Variants in ATP2C2 observed in about 807,000 individuals in gnomAD.
ATP2C2 encodes the protein ATPase secretory pathway Ca2+ transporting 2, also known as calcium-transporting ATPase type 2C member 2.
A neutral mutation model predicts 110.8 loss-of-function variants in ATP2C2; 171 were observed. That is an observed-to-expected ratio of 1.54 (90% CI 1.36 to 1.75). ATP2C2 has a LOEUF of 1.75. Ranked by LOEUF, ATP2C2 falls within the 40% of genes most tolerant of loss-of-function variation. The pLI is 0.00. For synonymous variants in ATP2C2, 804 were observed against 508.4 expected (o/e 1.58, Z -7.82); for missense variants, 1,963 against 1,235.0 (o/e 1.59, Z -8.84).
At chr16:84,408,237 G>A (rs1250710763) in intron 3 of ATP2C2, among the ~76,000 whole-genome samples, 168 bp from the exon 4 acceptor site, 1 of 152,194 alleles carries the variant, frequency 6.6e-6, no homozygotes, top group Non-Finnish European at 1.5e-5. Flanking sequence ...CCAGGCAGAG[G>A]AGGACCACTG....
chr16:84,381,174 G>T (rs1405437112), intron 1 of ATP2C2, among the ~76,000 whole-genome samples: 2 of 152,318 alleles, frequency 1.3e-5, no homozygotes, highest in South Asian at 4.1e-4. Context: ...TACGTTTTGC[G>T]TGCAGGGGTG....
chr16:84,448,469 G>C lies in ATP2C2; in HGVS notation c.1504-64G>C. 2.0e-6 allele frequency: 3 copies of C among 1,533,166 alleles called. No homozygotes were observed. The South Asian group carries it at 3.8e-5, about 19-fold the overall frequency. The allele number at this position is 1,533,166 out of a possible 1,614,324, so 95.0% of individuals were successfully genotyped here. ...TCTTTGTAACCTTGTGCAGAGTGGGGTGATGGTCAGTATGAACCAAGGCTT... is the reference window on the plus strand; with the variant it reads ...TCTTTGTAACCTTGTGCAGAGTGGGCTGATGGTCAGTATGAACCAAGGCTT... On this transcript the variant is annotated intron_variant, in intron 16 of 26. Transcript: ENST00000262429.
intron 1 of ATP2C2, among the ~76,000 whole-genome samples, chr16:84,388,853 C>A (rs1298624332): frequency 1.3e-5 from 2 of 152,122 alleles, no homozygotes; most frequent in African/African-American, 4.8e-5. Flanking sequence ...CTCACTGCTA[C>A]CTCCGCCTCC....
intron 1 of ATP2C2, among the ~76,000 whole-genome samples, chr16:84,388,579 G>GT (rs1597742758): frequency 6.6e-6 from 1 of 152,170 alleles, no homozygotes; most frequent in Non-Finnish European, 1.5e-5. Context: ...GGATAGAGAA[G>GT]CCTTGGAAAG....
intron 9 of ATP2C2, 87 bp from the exon 10 acceptor site, chr16:84,423,101 G>A: frequency 8.5e-7 from 1 of 1,177,220 alleles, no homozygotes; most frequent in Non-Finnish European, 1.3e-6. Context: ...CACTGAAGCT[G>A]TAGGATGGCA....
At chr16:84,406,823 A>T (rs1905813848) in intron 3 of ATP2C2, among the ~76,000 whole-genome samples, 2 of 151,656 alleles carry the variant, frequency 1.3e-5, no homozygotes. Context: ...CACCCCTTCC[A>T]CTAGGACCCG....
chr16:84,425,912 G>A lies in ATP2C2; in HGVS notation c.986+111G>A, dbSNP rs141997140. ...CTGCAGAATAGGAAGGGTTGGGAAG[G>A]TGCAGCCCCGTCACCCAAACTCCAG... On this transcript the variant is annotated intron_variant, in intron 11 of 26. Coordinates refer to ENST00000262429, the MANE Select transcript of ATP2C2 (RefSeq NM_014861.4). The A allele has an allele frequency of 4.9e-4, 641 of 1,308,176 alleles. 7 individuals carry two copies. The South Asian group carries it at 7.2e-3, about 15-fold the overall frequency. 81.0% of individuals were successfully genotyped at this position (1,308,176 alleles called of 1,614,324 possible).
At chr16:84,460,222 A>G (rs1445716495) in intron 23 of ATP2C2, 4 of 226,734 alleles carry the variant, frequency 1.8e-5, no homozygotes, top group Non-Finnish European at 3.6e-5. Context: ...CACTCCCACC[A>G]TACCGCCTGC....
At chr16:84,375,916 T>C (rs1393794012) in intron 1 of ATP2C2, among the ~76,000 whole-genome samples, 1 of 151,772 alleles carries the variant, frequency 6.6e-6, no homozygotes, top group Non-Finnish European at 1.5e-5. Context: ...AGAGAAAGGA[T>C]TGTGGGTTTT....
At chr16:84,378,232 G>A (rs754534668) in intron 1 of ATP2C2, among the ~76,000 whole-genome samples, 1 of 152,164 alleles carries the variant, frequency 6.6e-6, no homozygotes, top group African/African-American at 2.4e-5. Context: ...CAGCTGGACC[G>A]AATCTGGGGG....
rs370462334 is a variant in ATP2C2, at chr16:84,454,975, C to G, written c.2138C>G (p.Ser713Ter). ...ANMILVDDDF[S>*]AIMNAVEEGK... ...ATGATCCTGGTGGATGATGACTTCT[C>G]AGCCATCATGTAAGCTGCCCTTCTG... The change falls in exon 21 of 27, where the codon TCA (serine) becomes TGA (stop). Residue 713 changes from serine to a stop codon, truncating the protein, a stop_gained. Coordinates refer to ENST00000262429, the MANE Select transcript of ATP2C2 (RefSeq NM_014861.4). LOFTEE classifies it high-confidence loss of function. 14 of 1,613,340 alleles carry G rather than the reference C, an allele frequency of 8.7e-6. No individual in the cohort carries two copies. The African/African-American group carries it at 1.7e-4, about 20-fold the overall frequency.
intron 6 of ATP2C2, among the ~76,000 whole-genome samples, chr16:84,414,942 G>A (rs553517169): frequency 1.3e-5 from 2 of 152,164 alleles, no homozygotes; most frequent in African/African-American, 2.4e-5. Context: ...GGGCCAGGTC[G>A]GAGGTCAGAG....
At position 84,379,152 on chromosome 16, in the gene ATP2C2, CCCCTCCCCTCTCCTA is replaced by C. The variant is rs527456757; in HGVS notation, c.99+10453_99+10467del. 4.5e-3 allele frequency among the ~76,000 whole-genome samples: 635 copies of C among 142,456 alleles called. 15 individuals carry two copies. Among genetic ancestry groups the C allele is most frequent in the South Asian group, 0.011 (43 of 4,000 alleles). The allele number at this position is 142,456 out of a possible 152,430, so 93.5% of individuals were successfully genotyped here. A position where few individuals can be genotyped will look rare whatever the true frequency, so the allele number is the denominator to read the frequency against. ...CCTTTCCCCTCTCTTCCCCTCCTTTCCCCTCCCCTCTCCTACCCTCCCCTCTCCTGTCGTTTCCTT... is the reference window on the plus strand; with the variant it reads ...CCTTTCCCCTCTCTTCCCCTCCTTTCCCCTCCCCTCTCCTGTCGTTTCCTT... On this transcript the variant is annotated intron_variant, in intron 1 of 26. Coordinates refer to ENST00000262429, the MANE Select transcript of ATP2C2 (RefSeq NM_014861.4).
At position 84,415,578 on chromosome 16, in the gene ATP2C2, T is replaced by C. The variant is rs762151046; in HGVS notation, c.611T>C (p.Ile204Thr). The change falls in exon 7 of 27, where the codon ATC becomes ACC. Residue 204 changes from isoleucine to threonine, a missense_variant. Transcript: ENST00000262429. ...ATCGGAGACCGGATCCCTGCAGACA[T>C]CCGACTCACTGAGGTGAGTGGTTCC... is the stretch of plus-strand genomic sequence containing the variant. ...LSIGDRIPAD[I>T]RLTEVTDLLV... 2 of 1,613,438 alleles carry C rather than the reference T, an allele frequency of 1.2e-6. No homozygotes were observed. The highest frequency in any genetic ancestry group is 1.7e-5 in the Admixed American group (1 of 59,938).
rs187880263 is a variant in ATP2C2 at position 84,425,097 on chromosome 16, C to T, written c.920-638C>T. 2.4e-3 allele frequency among the ~76,000 whole-genome samples: 372 copies of T among 152,280 alleles called. 2 individuals are homozygous for T. Among genetic ancestry groups the T allele is most frequent in the African/African-American group, 8.7e-3 (360 of 41,550 alleles). On this transcript the variant is annotated intron_variant, in intron 10 of 26. Transcript: ENST00000262429. The stretch of plus-strand genomic sequence containing the variant: ...GCCCCCCTCAATACATACACACACA[C>T]ACCCCGCTACCATCCATCAGAAAAC...
At chr16:84,382,217 T>C (rs1403087887) in intron 1 of ATP2C2, among the ~76,000 whole-genome samples, 2 of 152,170 alleles carry the variant, frequency 1.3e-5, no homozygotes, top group African/African-American at 4.8e-5. Flanking sequence ...CTCCCACTTA[T>C]GAGTGAGAAC....
At chr16:84,428,095 A>G (rs1907950989) in intron 11 of ATP2C2, among the ~76,000 whole-genome samples, 1 of 152,222 alleles carries the variant, frequency 6.6e-6, no homozygotes, top group African/African-American at 2.4e-5. Context: ...AGTGAATTAC[A>G]GCAGACAAAC....
chr16:84,421,968 C>G (rs1446514630), intron 7 of ATP2C2, among the ~76,000 whole-genome samples: 1 of 152,050 alleles, frequency 6.6e-6, no homozygotes, highest in African/African-American at 2.4e-5. Flanking sequence ...TCTGGTGTTA[C>G]TGTTGCCTTA....
At chr16:84,395,611 C>T (rs1269519984) in intron 1 of ATP2C2, among the ~76,000 whole-genome samples, 1 of 151,926 alleles carries the variant, frequency 6.6e-6, no homozygotes, top group East Asian at 1.9e-4. Flanking sequence ...CAGGTTCAAG[C>T]AATTCTCCCT....
Sources: gnomAD v4.1 joint callset for allele counts (sites outside exome capture counted in the v4.1 genomes callset) on GRCh38, gnomAD v4.1.1 for gene constraint, MANE v1.5 for transcripts, NCBI Gene and HGNC (gene_info 2026-07-23, HGNC 2026-07-21) for gene names.